Variants in HIPK3 observed in about 807,000 individuals in gnomAD.
HIPK3 encodes the protein homeodomain interacting protein kinase 3.
A neutral mutation model predicts 124.2 loss-of-function variants in HIPK3; 47 were observed. That is an observed-to-expected ratio of 0.38 (90% CI 0.30 to 0.48). HIPK3 has a LOEUF of 0.48. Among genes scored for constraint, HIPK3 ranks in the 20% least tolerant of loss-of-function variants. The pLI is 0.98. For synonymous variants in HIPK3, 482 were observed against 515.2 expected, an observed-to-expected ratio of 0.94 and a Z score of 0.87; for missense variants, 1,286 against 1,454.3, an observed-to-expected ratio of 0.88 and a Z score of 1.88.
At chr11:33,259,516 C>T (rs1850767676) in intron 1 of HIPK3, among the ~76,000 whole-genome samples, 2 of 152,098 alleles carry the variant, frequency 1.3e-5, no homozygotes, top group South Asian at 4.2e-4. Flanking sequence ...TGCTTTCGTG[C>T]CACTTATCAG....
In HIPK3 at chr11:33,331,238, G is replaced by T. The variant is rs565004818; in HGVS notation, c.1221+2605G>T. Among the ~76,000 whole-genome samples the T allele has an allele frequency of 3.9e-5, 6 of 152,198 alleles. No homozygotes were observed. The South Asian group carries it at 1.2e-3, about 32-fold the overall frequency. On this transcript the variant is annotated intron_variant, in intron 3 of 16. Transcript: ENST00000303296. ...TTTATTAATGTGTTTGACTTTCATA[G>T]ATTTTCCCCATCTCGCTAGATTGTG...
At chr11:33,273,103 C>T (rs950974795) in intron 1 of HIPK3, among the ~76,000 whole-genome samples, 1 of 151,694 alleles carries the variant, frequency 6.6e-6, no homozygotes, top group Non-Finnish European at 1.5e-5. Context: ...CTATTGTTTC[C>T]GACTTGATAC....
Position 33,348,553 on chromosome 11 carries a change from C to T in HIPK3, c.2401C>T (p.His801Tyr), listed in dbSNP as rs1172167926. ...SNSLQNTNIPHSAFISPKIIN... is the reference protein window; with the variant it reads ...SNSLQNTNIPYSAFISPKIIN... ...TTCATTACAGAATACCAATATCCCACATTCAGCATTTATTTCTCCAAAGAT... is the reference window on the plus strand; with the variant it reads ...TTCATTACAGAATACCAATATCCCATATTCAGCATTTATTTCTCCAAAGAT... The change falls in exon 13 of 17, where the codon CAT (histidine) becomes TAT (tyrosine). Residue 801 changes from histidine to tyrosine, a missense_variant. This residue lies in a region of HIPK3 where 810 missense variants were observed against 864.9 expected (regional missense o/e 0.94). Coordinates refer to ENST00000303296, the MANE Select transcript of HIPK3 (RefSeq NM_005734.5). The T allele has an allele frequency of 2.5e-6, 4 of 1,612,710 alleles. No homozygotes were observed. The highest frequency in any genetic ancestry group is 1.3e-5 in the African/African-American group (1 of 74,876).
chr11:33,322,477 T>C (rs534582567), intron 2 of HIPK3, among the ~76,000 whole-genome samples: 5 of 152,268 alleles, frequency 3.3e-5, no homozygotes, highest in African/African-American at 1.2e-4. Context: ...CAAGATTAGC[T>C]CAATCATAAA....
chr11:33,301,305 ACTGT>A (rs1851992415), intron 2 of HIPK3, among the ~76,000 whole-genome samples: 1 of 152,168 alleles, frequency 6.6e-6, no homozygotes, highest in Non-Finnish European at 1.5e-5. Flanking sequence ...TAGTCAAAAT[ACTGT>A]GTTCCAAAGT....
chr11:33,264,892 A>G (rs1335061695), intron 1 of HIPK3, among the ~76,000 whole-genome samples: 1 of 152,190 alleles, frequency 6.6e-6, no homozygotes, highest in African/African-American at 2.4e-5. Context: ...ATCTGTTTCA[A>G]CTTTTTAAAA....
chr11:33,320,925 C>T (rs1025819192), intron 2 of HIPK3, among the ~76,000 whole-genome samples: 6 of 152,054 alleles, frequency 3.9e-5, no homozygotes, highest in African/African-American at 1.2e-4. Flanking sequence ...TGGAGATGTA[C>T]GTTTGGGAGT....
chr11:33,275,802 G>A (rs550885560), intron 1 of HIPK3, among the ~76,000 whole-genome samples: 10 of 152,268 alleles, frequency 6.6e-5, no homozygotes, highest in African/African-American at 2.4e-4. Context: ...TATGAATTAA[G>A]TAATACTTTT....
intron 2 of HIPK3, among the ~76,000 whole-genome samples, chr11:33,295,704 C>T (rs553648749): frequency 1.3e-5 from 2 of 152,258 alleles, no homozygotes; most frequent in Admixed American, 1.3e-4. Context: ...TGTTTTCTCA[C>T]GATTAGATTC....
chr11:33,310,900 T>C (rs547535851), intron 2 of HIPK3, among the ~76,000 whole-genome samples: 10 of 152,348 alleles, frequency 6.6e-5, no homozygotes, highest in Admixed American at 6.5e-4. Flanking sequence ...TTTGTTCTAG[T>C]AGTTCAGCCC....
At chr11:33,347,199 C>A in intron 8 of HIPK3, 94 bp from the exon 9 acceptor site, 1 of 1,227,578 alleles carries the variant, frequency 8.1e-7, no homozygotes, top group Non-Finnish European at 1.1e-6. Context: ...AAAAATCTGT[C>A]AGAATCTAAG....
At chr11:33,321,747 C>G (rs1852668714) in intron 2 of HIPK3, among the ~76,000 whole-genome samples, 1 of 152,180 alleles carries the variant, frequency 6.6e-6, no homozygotes, top group African/African-American at 2.4e-5. Context: ...TTACATTTCA[C>G]ACACATTCTT....
intron 14 of HIPK3, among the ~76,000 whole-genome samples, chr11:33,350,847 G>A (rs529877789): frequency 6.6e-6 from 1 of 152,104 alleles, no homozygotes; most frequent in African/African-American, 2.4e-5. Flanking sequence ...AAATTTTAAT[G>A]TATCTTCTTA....
In HIPK3 at chr11:33,290,101, C is replaced by T. The variant is rs1057106496; in HGVS notation, c.1097+2590C>T. ...CCAAATCTTGCCTATTGTGAATAGT[C>T]GTGCAGTAAACACTGGATTGTAGAT... On this transcript the variant is annotated intron_variant, in intron 2 of 16. Transcript: ENST00000303296. Among the ~76,000 whole-genome samples, 6 of 152,102 alleles carry T rather than the reference C, an allele frequency of 3.9e-5. No individual in the cohort carries two copies. The East Asian group carries it at 7.7e-4, about 20-fold the overall frequency.
chr11:33,293,226 A>G (rs1035278974), intron 2 of HIPK3, among the ~76,000 whole-genome samples: 3 of 152,190 alleles, frequency 2.0e-5, no homozygotes, highest in Admixed American at 6.5e-5. Flanking sequence ...TATAATCTAC[A>G]TACCTTGAAA....
At chr11:33,264,960 A>G (rs1021207619) in intron 1 of HIPK3, among the ~76,000 whole-genome samples, 1 of 152,216 alleles carries the variant, frequency 6.6e-6, no homozygotes, top group Non-Finnish European at 1.5e-5. Flanking sequence ...TAGGTTTGGT[A>G]AACTATACAA....
Position 33,341,640 on chromosome 11 carries a change from T to C in HIPK3, c.1851T>C (p.Gly617=). 6.2e-7 allele frequency: 1 copy of C among 1,613,802 alleles called. No homozygotes were observed. Among genetic ancestry groups the C allele is most frequent in the South Asian group, 1.1e-5 (1 of 90,972 alleles). Residue 617 remains glycine (G), a synonymous_variant, in exon 8 of 17, where the codon GGT becomes GGC. Coordinates refer to ENST00000303296, the MANE Select transcript of HIPK3 (RefSeq NM_005734.5). ...CAGGAACTGCTCAGTTTGGTTGTGG[T>C]GATGCTTTTCAGCAGACATTGATTA... The part of the protein sequence containing the change: ...LQAGTAQFGC[G]DAFQQTLIIC...
chr11:33,287,545 T>C (rs1481166270), intron 2 of HIPK3, 34 bp downstream of exon 2: 2 of 1,570,350 alleles, frequency 1.3e-6, no homozygotes, highest in Non-Finnish European at 8.6e-7. Context: ...TGGTTGTTTA[T>C]TAATGTGAAA....
At chr11:33,282,623 C>T (rs890184345) in intron 1 of HIPK3, among the ~76,000 whole-genome samples, 1 of 151,746 alleles carries the variant, frequency 6.6e-6, no homozygotes, top group African/African-American at 2.4e-5. Context: ...GTGGAGATTG[C>T]AGTGAGCTGA....
Sources: gnomAD v4.1 joint callset for allele counts (sites outside exome capture counted in the v4.1 genomes callset) on GRCh38, gnomAD v4.1.1 for gene constraint, gnomAD v4.1.1 regional missense constraint, MANE v1.5 for transcripts, NCBI Gene and HGNC (gene_info 2026-07-23, HGNC 2026-07-21) for gene names.